Variants in ZFPM2 observed in about 807,000 individuals in gnomAD.
The protein encoded by ZFPM2 is zinc finger protein, FOG family member 2.
A neutral mutation model predicts 98.6 loss-of-function variants in ZFPM2; 20 were observed. The ratio of observed to expected loss-of-function variants is 0.20; its 90% CI spans 0.14 to 0.29. The LOEUF is 0.29. Ranked by LOEUF, ZFPM2 falls within the 10% of genes least tolerant of loss-of-function variation. ZFPM2 has a pLI of 1.00. For missense variants in ZFPM2, 1,310 were observed against 1,388.6 expected, an observed-to-expected ratio of 0.94 and a Z score of 0.90; for synonymous variants, 518 against 502.7, an observed-to-expected ratio of 1.03 and a Z score of -0.41.
intron 4 of ZFPM2, among the ~76,000 whole-genome samples, chr8:105,617,628 G>A (rs1793462694): frequency 6.6e-6 from 1 of 152,106 alleles, no homozygotes; most frequent in African/African-American, 2.4e-5. Flanking sequence ...AGGCTGTATT[G>A]TGGTGAGGCT....
At chr8:105,612,617 A>G (rs779797208) in intron 4 of ZFPM2, among the ~76,000 whole-genome samples, 2 of 152,174 alleles carry the variant, frequency 1.3e-5, no homozygotes, top group Non-Finnish European at 2.9e-5. Flanking sequence ...TAATAACAAG[A>G]TTGTTGACCA....
At chr8:105,424,813 C>T (rs1811874103) in intron 2 of ZFPM2, among the ~76,000 whole-genome samples, 1 of 152,148 alleles carries the variant, frequency 6.6e-6, no homozygotes, top group African/African-American at 2.4e-5. Context: ...TGGGATACAG[C>T]CTTAGGCAAA....
At chr8:105,432,278 A>T (rs923511372) in intron 2 of ZFPM2, among the ~76,000 whole-genome samples, 1 of 152,158 alleles carries the variant, frequency 6.6e-6, no homozygotes, top group African/African-American at 2.4e-5. Flanking sequence ...AAAAAACAGG[A>T]TTTGTCAGGA....
chr8:105,716,945 ACTGGT>A (rs1811538743), intron 5 of ZFPM2, among the ~76,000 whole-genome samples: 1 of 151,994 alleles, frequency 6.6e-6, no homozygotes, highest in Admixed American at 6.6e-5. Context: ...ACATCTTACC[ACTGGT>A]GTGTGGAACA....
chr8:105,636,424 G>A (rs1816847854), intron 5 of ZFPM2, among the ~76,000 whole-genome samples: 1 of 151,930 alleles, frequency 6.6e-6, no homozygotes, highest in Non-Finnish European at 1.5e-5. Context: ...CCATTTATTG[G>A]GCACACCTTG....
intron 1 of ZFPM2, among the ~76,000 whole-genome samples, chr8:105,344,317 A>G (rs1812478960): frequency 6.6e-6 from 1 of 152,124 alleles, no homozygotes; most frequent in Non-Finnish European, 1.5e-5. Flanking sequence ...GAACTCTCAA[A>G]GCCTTGGGAG....
chr8:105,436,588 A>G (rs1186312284), intron 2 of ZFPM2, among the ~76,000 whole-genome samples: 1 of 152,124 alleles, frequency 6.6e-6, no homozygotes, highest in Admixed American at 6.6e-5. Flanking sequence ...AGCAGCTGTC[A>G]GATCACATCC....
intron 3 of ZFPM2, among the ~76,000 whole-genome samples, chr8:105,509,655 A>G (rs1255244166): frequency 1.3e-5 from 2 of 152,268 alleles, no homozygotes; most frequent in African/African-American, 2.4e-5. Flanking sequence ...CATGAGCTTC[A>G]TTAAGGTTCT....
chr8:105,336,458 A>C (rs1460462241), intron 1 of ZFPM2, among the ~76,000 whole-genome samples: 3 of 151,750 alleles, frequency 2.0e-5, no homozygotes, highest in African/African-American at 7.3e-5. Flanking sequence ...TTTGGTTTGC[A>C]TGTTTTAATT....
At chr8:105,730,287 T>C (rs1811899939) in intron 5 of ZFPM2, among the ~76,000 whole-genome samples, 1 of 151,726 alleles carries the variant, frequency 6.6e-6, no homozygotes, top group African/African-American at 2.4e-5. Context: ...ACAGTTTTGA[T>C]ATTGAAAGCC....
chr8:105,754,698 TTGA>T (rs1296401807), intron 5 of ZFPM2, among the ~76,000 whole-genome samples: 1 of 151,440 alleles, frequency 6.6e-6, no homozygotes, highest in Non-Finnish European at 1.5e-5. Flanking sequence ...TTTTTTTCTA[TTGA>T]TGGAGGTAAA....
intron 3 of ZFPM2, among the ~76,000 whole-genome samples, chr8:105,486,287 A>G (rs1813229300): frequency 6.6e-6 from 1 of 152,134 alleles, no homozygotes; most frequent in African/African-American, 2.4e-5. Context: ...TATATGTATT[A>G]TGAATGACTT....
intron 3 of ZFPM2, among the ~76,000 whole-genome samples, chr8:105,475,610 T>G (rs1032926925): frequency 1.3e-5 from 2 of 152,184 alleles, no homozygotes; most frequent in Non-Finnish European, 2.9e-5. Context: ...TTTAGATAAA[T>G]TTGGATATGC....
intron 3 of ZFPM2, among the ~76,000 whole-genome samples, chr8:105,535,967 G>A (rs1000356684): frequency 4.6e-5 from 7 of 152,160 alleles, no homozygotes; most frequent in African/African-American, 1.7e-4. Flanking sequence ...TTTAATTAGA[G>A]ATGGGAACTT....
At position 105,803,683 on chromosome 8, in the gene ZFPM2, T is replaced by A; in HGVS notation, c.*145T>A. On this transcript the variant is annotated 3_prime_UTR_variant, in exon 8 of 8. Coordinates refer to ENST00000407775, the MANE Select transcript of ZFPM2 (RefSeq NM_012082.4). ...TGAGTTGAAGACTTAAGGTGTAATT[T>A]CATTACAGTCCATTAGTAAAGTGTA... The A allele has an allele frequency of 4.0e-6, 3 of 758,138 alleles. No individual in the cohort carries two copies. The highest frequency in any genetic ancestry group is 6.3e-6 in the Non-Finnish European group (3 of 472,984). 47.0% of individuals were successfully genotyped at this position (758,138 alleles called of 1,614,324 possible).
chr8:105,469,076 A>G (rs1812848378), intron 3 of ZFPM2, among the ~76,000 whole-genome samples: 1 of 152,130 alleles, frequency 6.6e-6, no homozygotes, highest in South Asian at 2.1e-4. Flanking sequence ...TCTTCAGAGC[A>G]CACAAATCTA....
chr8:105,395,469 T>A (rs944083959), intron 1 of ZFPM2, among the ~76,000 whole-genome samples: 5 of 152,112 alleles, frequency 3.3e-5, no homozygotes, highest in African/African-American at 1.2e-4. Flanking sequence ...CACAAAATAA[T>A]GTGGGTCCTT....
chr8:105,752,453 C>T (rs1161857762), intron 5 of ZFPM2, among the ~76,000 whole-genome samples: 1 of 152,110 alleles, frequency 6.6e-6, no homozygotes, highest in Non-Finnish European at 1.5e-5. Flanking sequence ...TGCCCTGCTG[C>T]CAGATCAATA....
chr8:105,768,108 T>TTC (rs976041644), intron 5 of ZFPM2, among the ~76,000 whole-genome samples: 4 of 132,922 alleles, frequency 3.0e-5, no homozygotes, highest in African/African-American at 6.6e-5. Flanking sequence ...CTCTCTCTCT[T>TTC]TCTCTCTCTC....
Sources: allele counts gnomAD v4.1 joint callset (sites outside exome capture counted in the v4.1 genomes callset), GRCh38; gene constraint gnomAD v4.1.1; transcripts MANE v1.5; gene names NCBI Gene and HGNC (gene_info 2026-07-23, HGNC 2026-07-21).